The following CFAP69 variants were observed in gnomAD, a reference collection of about 807,000 sequenced individuals.
CFAP69 encodes cilia and flagella associated protein 69.
In CFAP69, 92 loss-of-function variants were observed where a neutral mutation model predicts 123.0. That is an observed-to-expected ratio of 0.75 (90% CI 0.63 to 0.89). The LOEUF is 0.89. Ranked by LOEUF, CFAP69 falls within the 40% of genes least tolerant of loss-of-function variation. The probability of loss-of-function intolerance (pLI) is 0.00; values close to 1 mark genes in which losing one functional copy is unlikely to be tolerated. For missense variants in CFAP69, 1,067 were observed against 1,096.9 expected, an observed-to-expected ratio of 0.97 and a Z score of 0.39; for synonymous variants, 380 against 364.3, an observed-to-expected ratio of 1.04 and a Z score of -0.49.
chr7:90,254,905 A>C (rs1347804903), intron 1 of CFAP69, among the ~76,000 whole-genome samples: 1 of 152,208 alleles, frequency 6.6e-6, no homozygotes, highest in East Asian at 1.9e-4. Flanking sequence ...AAACTGAATA[A>C]ATCAGTAAGA....
the CFAP69 span, chr7:90,320,697 A>T: frequency 6.6e-6 from 1 of 152,332 alleles, no homozygotes; most frequent in Non-Finnish European, 1.5e-5. Context: ...CCCCGTACAC[A>T]GCCGTCTGCC....
At position 90,245,260 on chromosome 7, in the gene CFAP69, A is replaced by G. The variant is rs996703007; in HGVS notation, c.-165A>G. On this transcript the variant is annotated 5_prime_UTR_variant, in exon 1 of 23. The change abolishes an upstream ATG in the 5' untranslated region. Transcript: ENST00000389297. Reference sequence around the variant, plus strand: ...GCGGCAGCGGCGCTAAGCGGACTGTATGGCGGTGGCCTAGGCCCCTGGCGG... The same window carrying G: ...GCGGCAGCGGCGCTAAGCGGACTGTGTGGCGGTGGCCTAGGCCCCTGGCGG... 3 of 903,822 alleles carry G rather than the reference A, an allele frequency of 3.3e-6. No individual in the cohort carries two copies. Among genetic ancestry groups the G allele is most frequent in the African/African-American group, 3.6e-5 (2 of 56,198 alleles). 56.0% of individuals were successfully genotyped at this position (903,822 alleles called of 1,614,324 possible).
chr7:90,304,194 G>A (rs1793217960), intron 18 of CFAP69, 88 bp downstream of exon 18: 7 of 1,413,178 alleles, frequency 5.0e-6, no homozygotes, highest in Non-Finnish European at 5.5e-6. Context: ...CAAATATAAT[G>A]AGCAAAAATC....
At chr7:90,264,049 C>T (rs1798705349) in intron 4 of CFAP69, among the ~76,000 whole-genome samples, 1 of 140,068 alleles carries the variant, frequency 7.1e-6, no homozygotes, top group South Asian at 2.3e-4. Flanking sequence ...TGAGATCGTG[C>T]CACTGCACTC....
At chr7:90,282,305 T>C (rs1490776850) in intron 12 of CFAP69, among the ~76,000 whole-genome samples, 2 of 152,090 alleles carry the variant, frequency 1.3e-5, no homozygotes, top group Non-Finnish European at 2.9e-5. Flanking sequence ...GCTGTGATCA[T>C]ACCACTGCAC....
In CFAP69 at chr7:90,310,374, A is replaced by G. The variant is rs1157689928; in HGVS notation, c.*136A>G. ...TTTAGTAAAATACTATAAAAATAAAAGGACATATAATTTATTTTTATGGAA... is the reference window on the plus strand; with the variant it reads ...TTTAGTAAAATACTATAAAAATAAAGGGACATATAATTTATTTTTATGGAA... On this transcript the variant is annotated 3_prime_UTR_variant, in exon 23 of 23. Coordinates refer to ENST00000389297, the MANE Select transcript of CFAP69 (RefSeq NM_001039706.3). 2.1e-5 allele frequency: 9 copies of G among 437,036 alleles called. No homozygotes were observed. Among genetic ancestry groups the G allele is most frequent in the Non-Finnish European group, 3.3e-5 (9 of 269,722 alleles). The allele number at this position is 437,036 out of a possible 1,614,324, so 27.1% of individuals were successfully genotyped here. A position where few individuals can be genotyped will look rare whatever the true frequency, so the allele number is the denominator to read the frequency against.
the CFAP69 span, among the ~76,000 whole-genome samples, chr7:90,322,881 G>A: frequency 2.0e-5 from 3 of 152,004 alleles, no homozygotes; most frequent in Non-Finnish European, 2.9e-5. Context: ...AAAAATAAGG[G>A]TAATTGACAG....
rs566325397 is a variant in CFAP69 at position 90,282,881 on chromosome 7, T to C, written c.1373-11T>C. The stretch of plus-strand genomic sequence containing the variant: ...ATGTTTTTGTTTTAAATTATCACTT[T>C]TTCTCCACAGATCCGTTTTTCAGTC... On this transcript the variant is annotated splice_polypyrimidine_tract_variant and intron_variant, in intron 12 of 22. Transcript: ENST00000389297. The C allele has an allele frequency of 8.3e-6, 12 of 1,451,038 alleles. No individual in the cohort carries two copies. In the South Asian group the frequency reaches 1.8e-4, roughly 21 times the overall value. The allele number at this position is 1,451,038 out of a possible 1,614,324, so 89.9% of individuals were successfully genotyped here.
At chr7:90,270,309 T>A (rs1799769376) in intron 6 of CFAP69, 1 of 152,176 alleles carries the variant, frequency 6.6e-6, no homozygotes, top group Non-Finnish European at 1.5e-5. Flanking sequence ...TAGACTATTA[T>A]GCACATAAAA....
intron 17 of CFAP69, chr7:90,300,557 A>C: frequency 1.9e-6 from 1 of 526,850 alleles, no homozygotes. Context: ...CAAAAATTTT[A>C]ATTACTAGAT....
chr7:90,271,816 G>A lies in CFAP69; in HGVS notation c.718G>A (p.Ala240Thr), dbSNP rs1204817444. The A allele has an allele frequency of 3.2e-6, 5 of 1,587,092 alleles. No homozygotes were observed. The highest frequency in any genetic ancestry group is 4.3e-6 in the Non-Finnish European group (5 of 1,165,970). ...NCTIMMKAQAASGICTHLNDP... is the reference protein window; with the variant it reads ...NCTIMMKAQATSGICTHLNDP... ...TACTATAATGATGAAAGCACAAGCA[G>A]CCAGTGGAATCTGTACTCACCTCAA... Residue 240 changes from alanine (A) to threonine (T), a missense_variant, in exon 8 of 23, where the codon GCC becomes ACC. Transcript: ENST00000389297.
At position 90,262,038 on chromosome 7, in the gene CFAP69, A is replaced by G. The variant is rs759438054; in HGVS notation, c.338A>G (p.Asp113Gly). ...NQPRFIESAY[D>G]IIKLCGLPFL... ...CCTCGTTTTATAGAATCTGCATATG[A>G]TATCATAAAACTGTGTGGGTAAGTT... Residue 113 changes from aspartate (D) to glycine (G), a missense_variant, in exon 4 of 23, where the codon GAT (aspartate) becomes GGT (glycine). Coordinates refer to ENST00000389297, the MANE Select transcript of CFAP69 (RefSeq NM_001039706.3). The G allele has an allele frequency of 4.4e-6, 7 of 1,587,136 alleles. No homozygotes were observed. Among genetic ancestry groups the G allele is most frequent in the Non-Finnish European group, 6.0e-6 (7 of 1,167,102 alleles).
Position 90,266,678 on chromosome 7 carries a change from C to T in CFAP69, c.433+1301C>T, listed in dbSNP as rs111845866. Among the ~76,000 whole-genome samples, 1,443 of 152,060 alleles carry T rather than the reference C, an allele frequency of 9.5e-3. 24 individuals carry two copies. Among genetic ancestry groups the T allele is most frequent in the African/African-American group, 0.031 (1,297 of 41,466 alleles). On this transcript the variant is annotated intron_variant, in intron 5 of 22. Coordinates refer to ENST00000389297, the MANE Select transcript of CFAP69 (RefSeq NM_001039706.3). ...ATCTCATATGACAACAGTATGAACT[C>T]TTAACTTTAAATGAGCTTCCTTCGC...
At chr7:90,314,572 T>C (rs1794601392), downstream of CFAP69, among the ~76,000 whole-genome samples, 1 of 150,662 alleles carries the variant, frequency 6.6e-6, no homozygotes, top group African/African-American at 2.4e-5. Flanking sequence ...GAAGTTGCAG[T>C]GAGCCGTGAT....
chr7:90,312,489 A>G (rs1229891350), downstream of CFAP69: 1 of 152,236 alleles, frequency 6.6e-6, no homozygotes, highest in African/African-American at 2.4e-5. Context: ...ATCAGCAAGA[A>G]GAAAGGTAAA....
Position 90,277,003 on chromosome 7 carries a change from T to C in CFAP69, c.985-70T>C, listed in dbSNP as rs1788712235. The stretch of plus-strand genomic sequence containing the variant: ...TTGATAAATGTACTTAAGTAGTAAA[T>C]ATGAGCATCTGCATCATAACTTTCA... On this transcript the variant is annotated intron_variant, in intron 9 of 22. Coordinates refer to ENST00000389297, the MANE Select transcript of CFAP69 (RefSeq NM_001039706.3). 1.6e-5 allele frequency: 17 copies of C among 1,092,392 alleles called. No individual in the cohort carries two copies. In the South Asian group the frequency reaches 2.3e-4, roughly 15 times the overall value. The allele number at this position is 1,092,392 out of a possible 1,614,324, so 67.7% of individuals were successfully genotyped here. A position where few individuals can be genotyped will look rare whatever the true frequency, so the allele number is the denominator to read the frequency against.
chr7:90,271,992 T>C (rs376579146), intron 8 of CFAP69, 34 bp downstream of exon 8: 160 of 1,558,110 alleles, frequency 1.0e-4, no homozygotes, highest in Admixed American at 1.5e-4. Context: ...AATGTTCTTT[T>C]AATCTTAAAA....
rs921241733 is a variant in CFAP69 at position 90,258,006 on chromosome 7, A to T, written c.181-92A>T. 5.1e-6 allele frequency: 4 copies of T among 778,238 alleles called. No homozygotes were observed. The African/African-American group carries it at 5.4e-5, about 10-fold the overall frequency. The allele number at this position is 778,238 out of a possible 1,614,324, so 48.2% of individuals were successfully genotyped here. A position where few individuals can be genotyped will look rare whatever the true frequency, so the allele number is the denominator to read the frequency against. Reference sequence around the variant, plus strand: ...ATAGTAATTTAAGAATTACTTGATAATTTTAAAGTGTCTACTTTTATGTTG... The same window carrying T: ...ATAGTAATTTAAGAATTACTTGATATTTTTAAAGTGTCTACTTTTATGTTG... On this transcript the variant is annotated intron_variant, in intron 2 of 22. Transcript: ENST00000389297.
In CFAP69 at chr7:90,286,399, G is replaced by A. The variant is rs1456505167; in HGVS notation, c.1656G>A (p.Lys552=). The part of the protein sequence containing the change: ...SGLCENHIQR[K]EIFGTEGVDI... Reference sequence around the variant, plus strand: ...TTTGTGAGAATCACATTCAAAGGAAGGTATGTATGCCTGTGAAAGTTTTGT... The same window carrying A: ...TTTGTGAGAATCACATTCAAAGGAAAGTATGTATGCCTGTGAAAGTTTTGT... Residue 552 remains lysine, a splice_region_variant and synonymous_variant, in exon 14 of 23, where the codon AAG becomes AAA. Transcript: ENST00000389297. 1 of 1,610,652 alleles carries A rather than the reference G, an allele frequency of 6.2e-7. No homozygotes were observed. The highest frequency in any genetic ancestry group is 1.1e-5 in the South Asian group (1 of 90,286).
Sources: gnomAD v4.1 joint callset for allele counts (sites outside exome capture counted in the v4.1 genomes callset) on GRCh38, gnomAD v4.1.1 for gene constraint, MANE v1.5 for transcripts, NCBI Gene and HGNC (gene_info 2026-07-23, HGNC 2026-07-21) for gene names.